TXNRD1: variants seen among roughly 807,000 people sequenced by gnomAD.
The protein encoded by TXNRD1 is thioredoxin reductase 1.
In TXNRD1, 57 loss-of-function variants were observed where a neutral mutation model predicts 80.3. The ratio of observed to expected loss-of-function variants is 0.71; its 90% CI spans 0.57 to 0.89. TXNRD1 has a LOEUF of 0.89. Among genes scored for constraint, TXNRD1 ranks in the 40% least tolerant of loss-of-function variants. The pLI is 0.00. For synonymous variants in TXNRD1, 291 were observed against 285.2 expected (o/e 1.02, Z -0.20); for missense variants, 730 against 803.0 (o/e 0.91, Z 1.10).
chr12:104,288,812 C>A, intron 3 of TXNRD1, 119 bp from the exon 4 acceptor site: 5 of 1,603,066 alleles, frequency 3.1e-6, no homozygotes, highest in Non-Finnish European at 4.3e-6. Flanking sequence ...GCAAGGGAGT[C>A]AACAGAGGGC....
chr12:104,304,041 A>C (rs2034769239), intron 4 of TXNRD1: 2 of 1,613,472 alleles, frequency 1.2e-6, no homozygotes, highest in African/African-American at 1.3e-5. Context: ...GACGAGGAGA[A>C]GTGCCGCAGC....
chr12:104,273,464 G>A (rs911593793), intron 3 of TXNRD1, among the ~76,000 whole-genome samples: 1 of 151,914 alleles, frequency 6.6e-6, no homozygotes, highest in Non-Finnish European at 1.5e-5. Flanking sequence ...ATGGTGGTGC[G>A]CGCCTATAGT....
intron 1 of TXNRD1, among the ~76,000 whole-genome samples, chr12:104,220,100 G>C (rs928262315): frequency 6.6e-6 from 1 of 152,186 alleles, no homozygotes; most frequent in Non-Finnish European, 1.5e-5. Flanking sequence ...CTGGGCAGAG[G>C]TGCCTATCCT....
chr12:104,327,607 C>A lies in TXNRD1; in HGVS notation c.1478C>A (p.Thr493Asn), dbSNP rs777792474. The change falls in exon 13 of 17, where the codon ACC becomes AAC. Residue 493 changes from threonine to asparagine, a missense_variant. By Grantham distance (65) the Thr-to-Asn change is moderately conservative. Coordinates refer to ENST00000525566, the MANE Select transcript of TXNRD1 (RefSeq NM_001093771.3). ...GDILEDKVELTPVAIQAGRLL... is the reference protein window; with the variant it reads ...GDILEDKVELNPVAIQAGRLL... ...ATATTGGAGGATAAGGTGGAGCTCACCCCAGTTGCAATCCAGGCAGGAAGA... is the reference window on the plus strand; with the variant it reads ...ATATTGGAGGATAAGGTGGAGCTCAACCCAGTTGCAATCCAGGCAGGAAGA... The A allele has an allele frequency of 6.2e-7, 1 of 1,613,514 alleles. No individual in the cohort carries two copies. The highest frequency in any genetic ancestry group is 8.5e-7 in the Non-Finnish European group (1 of 1,179,786).
chr12:104,299,748 C>T (rs927646623), intron 4 of TXNRD1, among the ~76,000 whole-genome samples: 4 of 94,242 alleles, frequency 4.2e-5, no homozygotes, highest in African/African-American at 1.7e-4. Flanking sequence ...GCCTGGGTGA[C>T]AAGAACAAGA....
chr12:104,287,489 G>A, intron 3 of TXNRD1: 1 of 1,607,426 alleles, frequency 6.2e-7, no homozygotes, highest in Non-Finnish European at 8.5e-7. Flanking sequence ...AATGTGTTGA[G>A]TGGACTGACA....
At chr12:104,236,364 C>T (rs1205836311) in intron 1 of TXNRD1, among the ~76,000 whole-genome samples, 1 of 152,170 alleles carries the variant, frequency 6.6e-6, no homozygotes, top group African/African-American at 2.4e-5. Context: ...TAAGTCATAA[C>T]CTAATTAAGG....
intron 1 of TXNRD1, 114 bp downstream of exon 1, chr12:104,216,007 T>A: frequency 1.2e-6 from 1 of 861,548 alleles, no homozygotes; most frequent in Non-Finnish European, 1.8e-6. Context: ...CTCACTGGAG[T>A]CAGTGACTGA....
intron 3 of TXNRD1, among the ~76,000 whole-genome samples, chr12:104,260,560 C>T: frequency 6.6e-6 from 1 of 152,190 alleles, no homozygotes; most frequent in Non-Finnish European, 1.5e-5. Flanking sequence ...TGAACACAGG[C>T]CCATGTAATT....
At chr12:104,233,309 G>A (rs960514182) in intron 1 of TXNRD1, among the ~76,000 whole-genome samples, 2 of 30,590 alleles carry the variant, frequency 6.5e-5, no homozygotes, top group African/African-American at 6.9e-4. Flanking sequence ...TTAACAAAAA[G>A]GGAAACTTTT....
intron 3 of TXNRD1, among the ~76,000 whole-genome samples, chr12:104,273,914 G>A (rs1403263094): frequency 6.6e-6 from 1 of 152,144 alleles, no homozygotes; most frequent in Non-Finnish European, 1.5e-5. Flanking sequence ...GCCAGGCGTG[G>A]TGGCGGGCAC....
intron 16 of TXNRD1, among the ~76,000 whole-genome samples, chr12:104,340,427 G>A (rs34432500): frequency 6.4e-4 from 97 of 152,250 alleles, no homozygotes; most frequent in African/African-American, 2.1e-3. Context: ...CACAAACTGG[G>A]TGGCTTAAAA....
At position 104,339,526 on chromosome 12, in the gene TXNRD1, T is replaced by C. The variant is rs530528138; in HGVS notation, c.1881+253T>C. On this transcript the variant is annotated intron_variant, in intron 16 of 16. Transcript: ENST00000525566. ...TAGAGCTGTGCCTTAAATATTTTAT[T>C]TATCATATCTTCTAAATTATTTTCA... The C allele has an allele frequency of 7.7e-5, 46 of 595,920 alleles. 1 individual carries two copies. The highest frequency in any genetic ancestry group is 7.1e-4 in the South Asian group (45 of 63,720). 36.9% of individuals were successfully genotyped at this position (595,920 alleles called of 1,614,324 possible). A position where few individuals can be genotyped will look rare whatever the true frequency, so the allele number is the denominator to read the frequency against.
At position 104,315,862 on chromosome 12, in the gene TXNRD1, C is replaced by T; in HGVS notation, c.696C>T (p.Asp232=). Residue 232 remains aspartate, a synonymous_variant, in exon 7 of 17, where the codon GAC becomes GAT. Coordinates refer to ENST00000525566, the MANE Select transcript of TXNRD1 (RefSeq NM_001093771.3). The part of the protein sequence containing the change: ...QAALLGQALQ[D]SRNYGWKVEE... The stretch of plus-strand genomic sequence containing the variant: ...CTTTGTTAGGACAAGCCCTGCAAGA[C>T]TCTCGAAATTATGGATGGAAAGTCG... 5.0e-6 allele frequency: 8 copies of T among 1,612,018 alleles called. No homozygotes were observed. Among genetic ancestry groups the T allele is most frequent in the Non-Finnish European group, 6.8e-6 (8 of 1,178,654 alleles).
At chr12:104,242,955 C>A (rs1257140350) in intron 1 of TXNRD1, among the ~76,000 whole-genome samples, 1 of 152,168 alleles carries the variant, frequency 6.6e-6, no homozygotes, top group Non-Finnish European at 1.5e-5. Flanking sequence ...TAGAATACAA[C>A]TGTGGAGTGA....
chr12:104,319,197 A>G (rs1022932141), intron 8 of TXNRD1, 142 bp downstream of exon 8: 2 of 1,101,444 alleles, frequency 1.8e-6, no homozygotes, highest in East Asian at 2.6e-5. Flanking sequence ...TTGCTATCAT[A>G]TCATCCTATG....
At chr12:104,325,508 G>T (rs898868928) in intron 11 of TXNRD1, 79 bp downstream of exon 11, 4 of 988,750 alleles carry the variant, frequency 4.0e-6, no homozygotes, top group Non-Finnish European at 6.3e-6. Context: ...AACTTAAAAT[G>T]GCTCTTAGTG....
At chr12:104,315,973 T>A in intron 7 of TXNRD1, 77 bp downstream of exon 7, 1 of 1,492,240 alleles carries the variant, frequency 6.7e-7, no homozygotes, top group Non-Finnish European at 9.0e-7. Context: ...CGTCGTCCAT[T>A]TTCATGAAGA....
intron 1 of TXNRD1, among the ~76,000 whole-genome samples, chr12:104,231,715 A>G (rs2032627874): frequency 6.6e-6 from 1 of 152,212 alleles, no homozygotes; most frequent in Non-Finnish European, 1.5e-5. Context: ...TCCCAAACAA[A>G]GAAACCTCTG....
Sources: allele counts gnomAD v4.1 joint callset (sites outside exome capture counted in the v4.1 genomes callset), GRCh38; gene constraint gnomAD v4.1.1; transcripts MANE v1.5; gene names NCBI Gene and HGNC (gene_info 2026-07-23, HGNC 2026-07-21).